XK: variants seen among roughly 807,000 people sequenced by gnomAD.
XK encodes the protein X-linked Kx blood group antigen, Kell and VPS13A binding protein.
Under a neutral mutation model 14.0 loss-of-function variants are expected in XK, and 2 were observed. The observed-to-expected ratio is 0.14, with a 90% CI of 0.06 to 0.45. The LOEUF is 0.45. Among genes scored for constraint, XK ranks in the 20% least tolerant of loss-of-function variants. XK has a pLI of 0.98. For missense variants in XK, 235 were observed against 341.5 expected (o/e 0.69, Z 2.46); for synonymous variants, 149 against 147.5 (o/e 1.01, Z -0.08).
At chrX:37,712,131 T>C (rs1178273307) in intron 2 of XK, among the ~76,000 whole-genome samples, 1 of 111,212 alleles carries the variant, frequency 9.0e-6, no homozygotes, top group African/African-American at 3.3e-5. Flanking sequence ...TTCTGCTGTA[T>C]TTGGGGGCAG....
intron 2 of XK, among the ~76,000 whole-genome samples, chrX:37,694,961 T>C (rs925548587): frequency 5.3e-5 from 6 of 112,171 alleles, no homozygotes; most frequent in African/African-American, 1.9e-4. Flanking sequence ...AGGGTGAGTG[T>C]TCTAAGAAGG....
chrX:37,707,703 G>T (rs901116775), intron 2 of XK, among the ~76,000 whole-genome samples: 1 of 110,354 alleles, frequency 9.1e-6, no homozygotes. Flanking sequence ...CCGGGAAGAG[G>T]CGCTCCTCAC....
At chrX:37,699,105 C>A (rs1927360336) in intron 2 of XK, among the ~76,000 whole-genome samples, 1 of 112,491 alleles carries the variant, frequency 8.9e-6, no homozygotes, top group African/African-American at 3.2e-5. Context: ...AATGGAGAGG[C>A]TAGGAAGTGG....
At chrX:37,724,308 A>G (rs1175974760) in intron 2 of XK, among the ~76,000 whole-genome samples, 1 of 111,774 alleles carries the variant, frequency 8.9e-6, no homozygotes, top group Non-Finnish European at 1.9e-5. Flanking sequence ...AAGCTACAAC[A>G]ATCAAGACAG....
chrX:37,686,237 GC>G, intron 1 of XK, 31 bp downstream of exon 1: 1 of 1,199,747 alleles, frequency 8.3e-7, no homozygotes, highest in Non-Finnish European at 1.1e-6. Flanking sequence ...CCAGCCCCAG[GC>G]CGCAGCCTCG....
rs1928102910 is a variant in XK at position 37,732,103 on chromosome X, T to A, written c.*3641T>A. 1 of 112,174 alleles carries A rather than the reference T, an allele frequency of 8.9e-6. No homozygotes were observed. The highest frequency in any genetic ancestry group is 1.9e-5 in the Non-Finnish European group (1 of 53,143). 9.2% of individuals were successfully genotyped at this position (112,174 alleles called of 1,213,427 possible). On this transcript the variant is annotated 3_prime_UTR_variant, in exon 3 of 3. Coordinates refer to ENST00000378616, the MANE Select transcript of XK (RefSeq NM_021083.4). ...AATATTGTCCTGTTTCTTCATATAA[T>A]AAATTAATTTTTCAATTTCTCCTTG...
In XK at chrX:37,727,705, A is replaced by G; in HGVS notation, c.578A>G (p.Lys193Arg). The change falls in exon 3 of 3, where the codon AAA (lysine) becomes AGA (arginine). Residue 193 changes from lysine to arginine, a missense_variant. Transcript: ENST00000378616. ...GALRCNILAIKIKYDEYEVKV... is the reference protein window; with the variant it reads ...GALRCNILAIRIKYDEYEVKV... ...TTGCGCTGCAACATCCTAGCCATCA[A>G]AATCAAGTACGATGAGTATGAAGTC... 1 of 1,211,225 alleles carries G rather than the reference A, an allele frequency of 8.3e-7. No homozygotes were observed. Among genetic ancestry groups the G allele is most frequent in the Non-Finnish European group, 1.1e-6 (1 of 895,308 alleles).
intron 1 of XK, among the ~76,000 whole-genome samples, chrX:37,692,643 C>T (rs1556441640): frequency 3.6e-5 from 4 of 111,851 alleles, no homozygotes; most frequent in African/African-American, 1.3e-4. Context: ...TCAGGTGATC[C>T]GCCTGCCTCA....
intron 2 of XK, among the ~76,000 whole-genome samples, chrX:37,705,469 CTTAAA>C (rs1228907130): frequency 9.3e-4 from 100 of 107,853 alleles, no homozygotes; most frequent in African/African-American, 3.2e-3. Flanking sequence ...AAAAAAATAA[CTTAAA>C]AGAGAAAGTT....
At chrX:37,691,944 T>A (rs1927211136) in intron 1 of XK, among the ~76,000 whole-genome samples, 2 of 111,272 alleles carry the variant, frequency 1.8e-5, no homozygotes, top group Middle Eastern at 4.6e-3. Flanking sequence ...TGAGCTATGA[T>A]CACACCACTG....
At chrX:37,694,633 T>C (rs1927273427) in intron 2 of XK, 85 bp downstream of exon 2, 6 of 1,101,528 alleles carry the variant, frequency 5.4e-6, no homozygotes, top group Non-Finnish European at 7.4e-6. Context: ...AAAGGAAATT[T>C]GTTCTTAAGT....
At chrX:37,713,905 A>C (rs1256446610) in intron 2 of XK, among the ~76,000 whole-genome samples, 2 of 112,086 alleles carry the variant, frequency 1.8e-5, no homozygotes, top group Non-Finnish European at 3.8e-5. Flanking sequence ...CAAACCTGGG[A>C]TCATCTTCCT....
At chrX:37,723,352 G>A (rs782810806) in intron 2 of XK, among the ~76,000 whole-genome samples, 139 of 111,486 alleles carry the variant, frequency 1.2e-3, no homozygotes, top group Non-Finnish European at 1.5e-3. Flanking sequence ...TATAGAGCTG[G>A]AAATGTACAT....
intron 2 of XK, among the ~76,000 whole-genome samples, chrX:37,702,206 G>A (rs1205778083): frequency 9.0e-6 from 1 of 111,361 alleles, no homozygotes; most frequent in African/African-American, 3.3e-5. Context: ...AAGAGGAAGC[G>A]AGCAGCTGGG....
At chrX:37,715,212 A>AT (rs1252998048) in intron 2 of XK, among the ~76,000 whole-genome samples, 1 of 110,038 alleles carries the variant, frequency 9.1e-6, no homozygotes, top group Admixed American at 9.7e-5. Flanking sequence ...TTAGATATAT[A>AT]TTTTTTTCCT....
chrX:37,690,704 A>G (rs1927185333), intron 1 of XK, among the ~76,000 whole-genome samples: 1 of 112,079 alleles, frequency 8.9e-6, no homozygotes, highest in East Asian at 2.8e-4. Context: ...CACATTGCAG[A>G]GACAGACTTG....
intron 2 of XK, among the ~76,000 whole-genome samples, chrX:37,707,298 T>G (rs782218985): frequency 6.9e-5 from 7 of 101,239 alleles, no homozygotes; most frequent in East Asian, 3.3e-4. Context: ...GCGGCTGGCC[T>G]GGCGGGGGCT....
At position 37,727,985 on chromosome X, in the gene XK, C is replaced by T. The variant is rs1556450429; in HGVS notation, c.858C>T (p.Leu286=). 1.2e-5 allele frequency: 14 copies of T among 1,211,322 alleles called. No homozygotes were observed. The highest frequency in any genetic ancestry group is 1.6e-5 in the Non-Finnish European group (14 of 895,351). The change falls in exon 3 of 3, where the codon CTC becomes CTT. Residue 286 remains leucine, a synonymous_variant. Coordinates refer to ENST00000378616, the MANE Select transcript of XK (RefSeq NM_021083.4). ...TTIVLCFLTL[L]YTGINMFCWS... Reference sequence around the variant, plus strand: ...TTGTACTATGCTTTCTAACTTTACTCTATACTGGTATCAACATGTTCTGCT... The same window carrying T: ...TTGTACTATGCTTTCTAACTTTACTTTATACTGGTATCAACATGTTCTGCT...
intron 2 of XK, among the ~76,000 whole-genome samples, chrX:37,711,816 G>A (rs782358664): frequency 1.8e-5 from 2 of 111,328 alleles, no homozygotes; most frequent in South Asian, 7.6e-4. Flanking sequence ...GTTCATCCAG[G>A]GACAATTTCT....
Sources: gnomAD v4.1 joint callset for allele counts (sites outside exome capture counted in the v4.1 genomes callset) on GRCh38, gnomAD v4.1.1 for gene constraint, MANE v1.5 for transcripts, NCBI Gene and HGNC (gene_info 2026-07-23, HGNC 2026-07-21) for gene names.